NFIC: variants seen among roughly 807,000 people sequenced by gnomAD.
The protein encoded by NFIC is nuclear factor I C.
Under a neutral mutation model 54.4 loss-of-function variants are expected in NFIC, and 12 were observed. The ratio of observed to expected loss-of-function variants is 0.22; its 90% CI spans 0.14 to 0.36. The LOEUF (loss-of-function observed/expected upper bound fraction) is 0.36. Ranked by LOEUF, NFIC falls within the 10% of genes least tolerant of loss-of-function variation. The pLI, the probability that NFIC is intolerant of heterozygous loss-of-function variation, is 1.00. For synonymous variants in NFIC, 322 were observed against 319.2 expected (o/e 1.01, Z -0.09); for missense variants, 575 against 718.2 (o/e 0.80, Z 2.28).
intron 3 of NFIC, among the ~76,000 whole-genome samples, chr19:3,429,132 A>ATAC (rs1322939958): frequency 4.5e-5 from 3 of 67,384 alleles, no homozygotes; most frequent in African/African-American, 6.8e-5. Flanking sequence ...CCAAAAAAAA[A>ATAC]ATATACACAC....
rs1387844947 is a variant in NFIC, at chr19:3,464,597, G to A, written c.*1828G>A. The A allele has an allele frequency of 3.2e-6, 2 of 622,166 alleles. No individual in the cohort carries two copies. The highest frequency in any genetic ancestry group is 4.8e-5 in the African/African-American group (1 of 20,696). 38.5% of individuals were successfully genotyped at this position (622,166 alleles called of 1,614,324 possible). ...TCCCCCCACCACTGCCCCCTCCCCC[G>A]ACCCAGGCCAAAGCCAGGGCAGGTC... On this transcript the variant is annotated 3_prime_UTR_variant, in exon 11 of 11. Coordinates refer to ENST00000443272, the MANE Select transcript of NFIC (RefSeq NM_001245002.2).
chr19:3,410,952 G>A lies in NFIC; in HGVS notation c.563-14154G>A, dbSNP rs1046490764. The A allele has an allele frequency of 3.3e-5, 5 of 152,346 alleles. No homozygotes were observed. In the East Asian group the frequency reaches 5.8e-4, roughly 18 times the overall value. 9.4% of individuals were successfully genotyped at this position (152,346 alleles called of 1,614,324 possible). A position where few individuals can be genotyped will look rare whatever the true frequency, so the allele number is the denominator to read the frequency against. On this transcript the variant is annotated intron_variant, in intron 2 of 10. Transcript: ENST00000443272. ...CAGGGTGCAGCCCTTGTTTCCATAA[G>A]ATACCCCAAAATCAGACAAGCCTGG...
At chr19:3,428,388 G>A (rs373281615) in intron 3 of NFIC, among the ~76,000 whole-genome samples, 1 of 151,642 alleles carries the variant, frequency 6.6e-6, no homozygotes, top group Admixed American at 6.6e-5. Flanking sequence ...GGAGGCGGAG[G>A]TTGCAGTGAG....
At chr19:3,438,381 C>T (rs1273412587) in intron 6 of NFIC, among the ~76,000 whole-genome samples, 1 of 151,290 alleles carries the variant, frequency 6.6e-6, no homozygotes, top group Admixed American at 6.6e-5. Context: ...CTGCAGCTTC[C>T]ACTTGATTAC....
chr19:3,372,717 G>GTA, intron 1 of NFIC, among the ~76,000 whole-genome samples: 1 of 150,436 alleles, frequency 6.6e-6, no homozygotes, highest in East Asian at 2.0e-4. Context: ...TGGGGTGGGG[G>GTA]GGTGCCAGGA....
chr19:3,399,007 C>T (rs577406986), intron 2 of NFIC, among the ~76,000 whole-genome samples: 5 of 152,350 alleles, frequency 3.3e-5, no homozygotes, highest in African/African-American at 9.6e-5. Context: ...TTCAGCTGAG[C>T]GGAGGACCAC....
chr19:3,401,696 G>A (rs992177379), intron 2 of NFIC, among the ~76,000 whole-genome samples: 5 of 151,430 alleles, frequency 3.3e-5, no homozygotes, highest in Admixed American at 1.3e-4. Context: ...ACCCAGGTAC[G>A]CCACCCACAT....
Position 3,453,952 on chromosome 19 carries a change from A to G in NFIC, c.1423+36A>G. ...GGGAAGCGGTGCCCTGGTGGGGCGG[A>G]TGTCCGCAGGGGGGCCTGTCCCCTC... is the stretch of plus-strand genomic sequence containing the variant. On this transcript the variant is annotated intron_variant, in intron 9 of 10. Coordinates refer to ENST00000443272, the MANE Select transcript of NFIC (RefSeq NM_001245002.2). This position sits in a 1 kb window ranked among gnomAD's most constrained non-coding sequence, Gnocchi z 6.7. 2 of 1,488,738 alleles carry G rather than the reference A, an allele frequency of 1.3e-6. No homozygotes were observed. Among genetic ancestry groups the G allele is most frequent in the South Asian group, 1.3e-5 (1 of 76,412 alleles). The allele number at this position is 1,488,738 out of a possible 1,614,324, so 92.2% of individuals were successfully genotyped here. A position where few individuals can be genotyped will look rare whatever the true frequency, so the allele number is the denominator to read the frequency against.
At chr19:3,386,385 C>T (rs968435040) in intron 2 of NFIC, among the ~76,000 whole-genome samples, 4 of 137,942 alleles carry the variant, frequency 2.9e-5, no homozygotes, top group Non-Finnish European at 4.5e-5. Context: ...TGCAGTGGCG[C>T]GATCTTGGCT....
At chr19:3,439,689 A>AT (rs1182271188) in intron 6 of NFIC, among the ~76,000 whole-genome samples, 2,300 of 133,832 alleles carry the variant, frequency 0.017, 75 homozygotes, top group African/African-American at 0.055. Context: ...CACTGGAAGA[A>AT]TTTTTTTTTT....
intron 6 of NFIC, among the ~76,000 whole-genome samples, chr19:3,436,080 G>A (rs1028206861): frequency 7.3e-5 from 11 of 150,526 alleles, no homozygotes; most frequent in Non-Finnish European, 1.6e-4. Flanking sequence ...CGCCCGCCTC[G>A]GCCTCCCAAA....
chr19:3,407,921 C>G (rs2081680969), intron 2 of NFIC, among the ~76,000 whole-genome samples: 1 of 152,154 alleles, frequency 6.6e-6, no homozygotes. Flanking sequence ...TCAGAGGACT[C>G]AGGCCCAGGT....
intron 2 of NFIC, among the ~76,000 whole-genome samples, chr19:3,406,887 C>T (rs2081658255): frequency 6.6e-6 from 1 of 152,096 alleles, no homozygotes; most frequent in East Asian, 1.9e-4. Flanking sequence ...TTTGCAGGGA[C>T]GGTGTTCCAA....
chr19:3,455,249 C>T (rs2082533449), intron 9 of NFIC, among the ~76,000 whole-genome samples: 1 of 152,222 alleles, frequency 6.6e-6, no homozygotes, highest in Admixed American at 6.5e-5. Context: ...TGCCCAGAGC[C>T]TGGTATTCAG....
At chr19:3,368,849 C>T (rs781671937) in intron 1 of NFIC, among the ~76,000 whole-genome samples, 1 of 151,916 alleles carries the variant, frequency 6.6e-6, no homozygotes, top group Non-Finnish European at 1.5e-5. Flanking sequence ...ACGTCCCCTC[C>T]GTTTCTCTCA....
upstream of NFIC, among the ~76,000 whole-genome samples, chr19:3,365,600 G>A (rs937201450): frequency 6.6e-6 from 1 of 152,172 alleles, no homozygotes; most frequent in Non-Finnish European, 1.5e-5. Context: ...CAGATGGCCT[G>A]GCTCCAAGCC....
upstream of NFIC, among the ~76,000 whole-genome samples, chr19:3,363,027 GA>G (rs958939214): frequency 6.6e-6 from 1 of 151,328 alleles, no homozygotes; most frequent in African/African-American, 2.4e-5. Flanking sequence ...GTATCCAGAG[GA>G]AAAAAAATCC....
At chr19:3,413,148 C>T (rs548313701) in intron 2 of NFIC, among the ~76,000 whole-genome samples, 4 of 152,092 alleles carry the variant, frequency 2.6e-5, no homozygotes, top group East Asian at 3.9e-4. Flanking sequence ...GGGGTTTCAC[C>T]GTGTTAGCCA....
intron 6 of NFIC, among the ~76,000 whole-genome samples, chr19:3,443,145 A>C (rs1425458200): frequency 1.3e-5 from 2 of 152,308 alleles, no homozygotes; most frequent in African/African-American, 4.8e-5. Flanking sequence ...ATGTAGAAAA[A>C]AATTGAGGCT....
Sources: gnomAD v4.1 joint callset for allele counts (sites outside exome capture counted in the v4.1 genomes callset) on GRCh38, gnomAD v4.1.1 for gene constraint, Gnocchi (gnomAD v3.1) non-coding constraint, MANE v1.5 for transcripts, NCBI Gene and HGNC (gene_info 2026-07-23, HGNC 2026-07-21) for gene names.